Variants in ADCY10 observed in about 807,000 individuals in gnomAD.
ADCY10 encodes adenylate cyclase type 10.
In ADCY10, 156 loss-of-function variants were observed where a neutral mutation model predicts 183.3. The observed-to-expected ratio is 0.85, with a 90% CI of 0.75 to 0.97. ADCY10 has a LOEUF of 0.97. Ranked by LOEUF, ADCY10 falls within the 50% of genes least tolerant of loss-of-function variation. The pLI is 0.00. For missense variants in ADCY10, 1,745 were observed against 1,934.3 expected (o/e 0.90, Z 1.84); for synonymous variants, 645 against 670.0 (o/e 0.96, Z 0.58).
intron 25 of ADCY10, among the ~76,000 whole-genome samples, chr1:167,832,470 C>T (rs1404411714): frequency 1.3e-5 from 2 of 152,170 alleles, no homozygotes; most frequent in Non-Finnish European, 1.5e-5. Context: ...CAAATCTTAA[C>T]AGTACAATTT....
At chr1:167,904,213 G>A (rs1040469623) in intron 2 of ADCY10, among the ~76,000 whole-genome samples, 1 of 150,586 alleles carries the variant, frequency 6.6e-6, no homozygotes, top group African/African-American at 2.5e-5. Flanking sequence ...TCAGCCTTCC[G>A]AGCAGCTGGG....
chr1:167,860,885 T>G lies in ADCY10; in HGVS notation c.1795A>C (p.Ile599Leu). The G allele has an allele frequency of 1.2e-6, 2 of 1,614,038 alleles. No individual in the cohort carries two copies. Among genetic ancestry groups the G allele is most frequent in the East Asian group, 4.5e-5 (2 of 44,882 alleles). Residue 599 changes from isoleucine (I) to leucine (L), a missense_variant, in exon 15 of 33, where the codon ATT becomes CTT. By Grantham distance (5) the Ile-to-Leu change is conservative. Coordinates refer to ENST00000367851, the MANE Select transcript of ADCY10 (RefSeq NM_018417.6). ...TAGCTAGTTACCTGAACATGGAAAA[T>G]GTCATTAAGAAGACAGTAGAACTTT... ...DEKFYCLLND[I>L]FHVQFPISRE...
In ADCY10 at chr1:167,887,782, A is replaced by G. The variant is rs7547869; in HGVS notation, c.829-4154T>C. Among the ~76,000 whole-genome samples, 811 of 151,946 alleles carry G rather than the reference A, an allele frequency of 5.3e-3. 8 individuals carry two copies. Among genetic ancestry groups the G allele is most frequent in the African/African-American group, 0.018 (764 of 41,484 alleles). On this transcript the variant is annotated intron_variant, in intron 8 of 32. Transcript: ENST00000367851. ...TTTTATCTGATAAAATAATTCTAAA[A>G]AAAAAAAACACTTGATGTTATCCCA...
intron 26 of ADCY10, among the ~76,000 whole-genome samples, chr1:167,826,134 A>G (rs1288230833): frequency 1.3e-5 from 2 of 152,182 alleles, no homozygotes; most frequent in African/African-American, 4.8e-5. Context: ...GGATACTTAA[A>G]CCACATCAGT....
rs1258155900 is a variant in ADCY10, at chr1:167,822,095, T to C, written c.4215A>G (p.Gln1405=). ...TFEECLEFIH[Q]YENNRILKFH... ...ACTTGAGGATTCTGTTGTTTTCGTA[T>C]TGGTGTATGAATTCCAAACATTCTT... Residue 1405 remains glutamine (Q), a synonymous_variant, in exon 30 of 33, where the codon CAA becomes CAG. Coordinates refer to ENST00000367851, the MANE Select transcript of ADCY10 (RefSeq NM_018417.6). The C allele has an allele frequency of 1.2e-6, 2 of 1,610,544 alleles. No homozygotes were observed. Among genetic ancestry groups the C allele is most frequent in the Non-Finnish European group, 1.7e-6 (2 of 1,176,646 alleles).
intron 23 of ADCY10, chr1:167,834,337 T>C: frequency 1.8e-6 from 1 of 554,444 alleles, no homozygotes; most frequent in South Asian, 2.0e-5. Flanking sequence ...TCTCCACCTT[T>C]CTTCACACTA....
At chr1:167,869,581 C>T (rs557152025) in intron 14 of ADCY10, among the ~76,000 whole-genome samples, 6 of 152,262 alleles carry the variant, frequency 3.9e-5, no homozygotes, top group African/African-American at 1.4e-4. Flanking sequence ...AGTTAAAATT[C>T]GACCCCTGAC....
At chr1:167,890,038 ATC>A (rs1292592769) in intron 8 of ADCY10, among the ~76,000 whole-genome samples, 1 of 152,014 alleles carries the variant, frequency 6.6e-6, no homozygotes, top group Admixed American at 6.6e-5. Flanking sequence ...AAGGTCACAT[ATC>A]TCTGTCTCTC....
chr1:167,847,205 G>A (rs776982600), intron 19 of ADCY10, among the ~76,000 whole-genome samples: 12 of 152,032 alleles, frequency 7.9e-5, no homozygotes, highest in African/African-American at 1.9e-4. Flanking sequence ...GGGATTACAG[G>A]TGTGAGCTAC....
chr1:167,901,932 G>A lies in ADCY10; in HGVS notation c.292+84C>T, dbSNP rs1277747578. ...TATCTCCTGGCCACTCCCTTCTCTAGGATGCCTCCTTTGTCCCCAACACAG... is the reference window on the plus strand; with the variant it reads ...TATCTCCTGGCCACTCCCTTCTCTAAGATGCCTCCTTTGTCCCCAACACAG... On this transcript the variant is annotated intron_variant, in intron 4 of 32. Coordinates refer to ENST00000367851, the MANE Select transcript of ADCY10 (RefSeq NM_018417.6). 3 of 1,604,908 alleles carry A rather than the reference G, an allele frequency of 1.9e-6. No homozygotes were observed. In the African/African-American group the frequency reaches 4.0e-5, roughly 22 times the overall value.
chr1:167,896,280 G>T (rs1017127589), intron 7 of ADCY10, among the ~76,000 whole-genome samples: 1 of 152,188 alleles, frequency 6.6e-6, no homozygotes, highest in Non-Finnish European at 1.5e-5. Flanking sequence ...TTTCCTAGAA[G>T]TTTATTGGTG....
intron 20 of ADCY10, 37 bp from the exon 21 acceptor site, chr1:167,845,890 G>A (rs985120897): frequency 6.2e-7 from 1 of 1,614,026 alleles, no homozygotes; most frequent in Non-Finnish European, 8.5e-7. Flanking sequence ...GCCAGGCAGT[G>A]GGCAACAGAT....
intron 3 of ADCY10, among the ~76,000 whole-genome samples, chr1:167,903,510 G>A (rs1669587393): frequency 6.6e-6 from 1 of 152,028 alleles, no homozygotes; most frequent in South Asian, 2.1e-4. Flanking sequence ...GTTGCAGTGA[G>A]CCAAGATTGT....
At chr1:167,844,295 A>G (rs909985076) in intron 21 of ADCY10, among the ~76,000 whole-genome samples, 2 of 152,222 alleles carry the variant, frequency 1.3e-5, no homozygotes, top group Admixed American at 1.3e-4. Context: ...TTCATGGTCC[A>G]GATCCTAAGG....
intron 13 of ADCY10, among the ~76,000 whole-genome samples, chr1:167,871,254 C>T (rs551585277): frequency 2.0e-5 from 3 of 152,210 alleles, no homozygotes; most frequent in African/African-American, 7.2e-5. Context: ...ATACTTAATT[C>T]AGGGCTACAA....
At chr1:167,850,684 T>C (rs2101993305) in intron 18 of ADCY10, among the ~76,000 whole-genome samples, 1 of 131,508 alleles carries the variant, frequency 7.6e-6, no homozygotes, top group East Asian at 2.3e-4. Flanking sequence ...TGTGTGTGTG[T>C]GTGTGTGTGT....
chr1:167,851,374 A>T (rs990738551), intron 18 of ADCY10, among the ~76,000 whole-genome samples: 1 of 151,874 alleles, frequency 6.6e-6, no homozygotes, highest in Non-Finnish European at 1.5e-5. Flanking sequence ...TTTAGTAGAG[A>T]TGGGGTTTTG....
At position 167,902,047 on chromosome 1, in the gene ADCY10, C is replaced by T; in HGVS notation, c.261G>A (p.Leu87=). The T allele has an allele frequency of 6.2e-7, 1 of 1,604,234 alleles. No homozygotes were observed. Among genetic ancestry groups the T allele is most frequent in the Non-Finnish European group, 8.5e-7 (1 of 1,177,032 alleles). ...ATTTCAGGATGTCTCCTCCAAAAAT[C>T]AACACTTCTGAGAAAAAAAAAAAAA... ...YHISAIVEKV[L]IFGGDILKFA... is the part of the protein sequence containing the mutation. The change falls in exon 4 of 33, where the codon TTG becomes TTA. Residue 87 remains leucine (L), a synonymous_variant. Coordinates refer to ENST00000367851, the MANE Select transcript of ADCY10 (RefSeq NM_018417.6).
At chr1:167,913,149 C>T (rs974224570) in intron 1 of ADCY10, among the ~76,000 whole-genome samples, 1 of 152,032 alleles carries the variant, frequency 6.6e-6, no homozygotes, top group African/African-American at 2.4e-5. Context: ...TGACAAAGCG[C>T]GGAAGCACCT....
Sources: allele counts gnomAD v4.1 joint callset (sites outside exome capture counted in the v4.1 genomes callset), GRCh38; gene constraint gnomAD v4.1.1; transcripts MANE v1.5; gene names NCBI Gene and HGNC (gene_info 2026-07-23, HGNC 2026-07-21).